Variants in ELAVL4 observed in about 807,000 individuals in gnomAD.
ELAVL4 encodes ELAV-like protein 4.
Under a neutral mutation model 35.6 loss-of-function variants are expected in ELAVL4, and 1 was observed. That is an observed-to-expected ratio of 0.03 (90% CI 0.01 to 0.13). ELAVL4 has a LOEUF of 0.13. Ranked by LOEUF, ELAVL4 falls within the 10% of genes least tolerant of loss-of-function variation. The probability of loss-of-function intolerance (pLI) is 1.00; values close to 1 mark genes in which losing one functional copy is unlikely to be tolerated. For missense variants in ELAVL4, 267 were observed against 464.9 expected (o/e 0.57, Z 3.91); for synonymous variants, 156 against 171.0 (o/e 0.91, Z 0.69).
At chr1:50,090,777 A>C (rs770290327) in intron 1 of ELAVL4, among the ~76,000 whole-genome samples, 1 of 152,230 alleles carries the variant, frequency 6.6e-6, no homozygotes, top group East Asian at 1.9e-4. Flanking sequence ...AGTGATGTGC[A>C]TCACTTCCAC....
At chr1:50,106,462 C>T, upstream of ELAVL4, 1 of 1,245,922 alleles carries the variant, frequency 8.0e-7, no homozygotes, top group Admixed American at 1.9e-5. Context: ...GCCTTAGCTG[C>T]TTGAGTGAGA....
intron 2 of ELAVL4, among the ~76,000 whole-genome samples, chr1:50,158,125 A>G (rs1349470589): frequency 6.6e-6 from 1 of 152,196 alleles, no homozygotes; most frequent in East Asian, 1.9e-4. Flanking sequence ...TGATAGGATT[A>G]TTGTGAACAT....
At chr1:50,161,810 C>G (rs1277744320) in intron 2 of ELAVL4, among the ~76,000 whole-genome samples, 1 of 152,204 alleles carries the variant, frequency 6.6e-6, no homozygotes, top group Non-Finnish European at 1.5e-5. Flanking sequence ...CCTGCACCTC[C>G]TCCTCCCAGG....
At chr1:50,104,864 T>C (rs1326274679), upstream of ELAVL4, among the ~76,000 whole-genome samples, 1 of 152,204 alleles carries the variant, frequency 6.6e-6, no homozygotes, top group Non-Finnish European at 1.5e-5. Context: ...TGTTTATTCT[T>C]GGCAGAGGAG....
At chr1:50,186,767 G>C (rs1377379160) in intron 3 of ELAVL4, among the ~76,000 whole-genome samples, 2 of 152,162 alleles carry the variant, frequency 1.3e-5, no homozygotes, top group African/African-American at 2.4e-5. Context: ...CCCAGGTAAG[G>C]GGTTTAGACT....
intron 3 of ELAVL4, among the ~76,000 whole-genome samples, chr1:50,192,962 A>C (rs1336153007): frequency 1.3e-5 from 2 of 152,156 alleles, no homozygotes; most frequent in African/African-American, 4.8e-5. Context: ...AGCAGTTGAG[A>C]GATCTGGGAG....
intron 1 of ELAVL4, among the ~76,000 whole-genome samples, chr1:50,090,332 C>T (rs1472491901): frequency 6.6e-6 from 1 of 152,156 alleles, no homozygotes; most frequent in Non-Finnish European, 1.5e-5. Flanking sequence ...TACTCTTTTT[C>T]ACTTTTCAGA....
chr1:50,153,800 G>A (rs1446702120), intron 2 of ELAVL4, among the ~76,000 whole-genome samples: 3 of 152,174 alleles, frequency 2.0e-5, no homozygotes, highest in Admixed American at 6.5e-5. Context: ...GTTAAATGAG[G>A]CCATAATGGT....
At chr1:50,071,924 T>C (rs1327285643) in intron 1 of ELAVL4, among the ~76,000 whole-genome samples, 2 of 152,172 alleles carry the variant, frequency 1.3e-5, no homozygotes, top group Admixed American at 1.3e-4. Context: ...TAAATTGACA[T>C]AAATGCATAT....
chr1:50,135,785 C>A (rs1671781803), intron 1 of ELAVL4, among the ~76,000 whole-genome samples: 1 of 152,104 alleles, frequency 6.6e-6, no homozygotes, highest in Non-Finnish European at 1.5e-5. Context: ...TTTCTAGTTA[C>A]CTTCTGGCAG....
chr1:50,164,233 C>A (rs1391969340), intron 2 of ELAVL4, among the ~76,000 whole-genome samples: 1 of 152,060 alleles, frequency 6.6e-6, no homozygotes, highest in Non-Finnish European at 1.5e-5. Flanking sequence ...TAATTTAGAA[C>A]CTTTAAAGGG....
Position 50,201,168 on chromosome 1 carries a change from A to T in ELAVL4, c.1091A>T (p.His364Leu), listed in dbSNP as rs745455583. 3 of 1,581,844 alleles carry T rather than the reference A, an allele frequency of 1.9e-6. No homozygotes were observed. Among genetic ancestry groups the T allele is most frequent in the Non-Finnish European group, 1.7e-6 (2 of 1,165,444 alleles). Residue 364 changes from histidine to leucine, a missense_variant, in exon 7 of 7, where the codon CAC becomes CTC. His to Leu is a moderately conservative substitution (Grantham distance 99). Around this residue, in one of 2 missense-constraint regions of ELAVL4, gnomAD observed 216 missense variants for 409.5 expected, o/e 0.53. Transcript: ENST00000371824. This position sits in a 1 kb window ranked among gnomAD's most constrained non-coding sequence, Gnocchi z 4.3. Reference protein sequence around the residue: ...LQVSFKTNKAHKS With the variant: ...LQVSFKTNKALKS ...GTTTCCTTTAAAACCAACAAAGCCC[A>T]CAAGTCCTGAATTTCCCATTCTTAC... is the stretch of plus-strand genomic sequence containing the variant.
At chr1:50,059,153 T>G (rs1228829082) in intron 1 of ELAVL4, among the ~76,000 whole-genome samples, 1 of 152,170 alleles carries the variant, frequency 6.6e-6, no homozygotes, top group Non-Finnish European at 1.5e-5. Flanking sequence ...TTGCCACCCT[T>G]GTAGAGCTTG....
chr1:50,200,758 G>A, intron 6 of ELAVL4, 93 bp from the exon 7 acceptor site: 2 of 1,543,462 alleles, frequency 1.3e-6, no homozygotes, highest in South Asian at 2.6e-5. Flanking sequence ...CACTCACTCA[G>A]CCCTCTGCCC....
At chr1:50,111,898 T>G (rs1185682628) in intron 1 of ELAVL4, among the ~76,000 whole-genome samples, 1 of 152,104 alleles carries the variant, frequency 6.6e-6, no homozygotes, top group Non-Finnish European at 1.5e-5. Context: ...TAAAAACAAT[T>G]GAAATGGTGA....
chr1:50,101,515 C>G (rs1327299084), upstream of ELAVL4, among the ~76,000 whole-genome samples: 2 of 152,084 alleles, frequency 1.3e-5, no homozygotes, highest in Non-Finnish European at 2.9e-5. Flanking sequence ...ATTTTTTAAT[C>G]TTGCTATTTT....
chr1:50,160,289 TC>T (rs1414586765), intron 2 of ELAVL4, among the ~76,000 whole-genome samples: 9 of 152,202 alleles, frequency 5.9e-5, no homozygotes, highest in Non-Finnish European at 1.3e-4. Flanking sequence ...AAGATGACGT[TC>T]CCCCGCAATT....
At chr1:50,148,468 A>T (rs561493734) in intron 2 of ELAVL4, among the ~76,000 whole-genome samples, 1 of 152,302 alleles carries the variant, frequency 6.6e-6, no homozygotes, top group African/African-American at 2.4e-5. Flanking sequence ...GTAGAACCAA[A>T]TTTACTGAAA....
chr1:50,139,228 C>A (rs1011655674), intron 1 of ELAVL4, among the ~76,000 whole-genome samples: 2 of 152,132 alleles, frequency 1.3e-5, no homozygotes, highest in Non-Finnish European at 2.9e-5. Context: ...TTCTACAGTC[C>A]TTTATCTGGG....
Sources: allele counts gnomAD v4.1 joint callset (sites outside exome capture counted in the v4.1 genomes callset), GRCh38; gene constraint gnomAD v4.1.1; regional missense constraint gnomAD v4.1.1; non-coding constraint Gnocchi (gnomAD v3.1); transcripts MANE v1.5; gene names NCBI Gene and HGNC (gene_info 2026-07-23, HGNC 2026-07-21).